ATF6: variants seen among roughly 807,000 people sequenced by gnomAD.
ATF6 encodes cyclic AMP-dependent transcription factor ATF-6 alpha.
ATF6 carries 53 observed loss-of-function variants against 83.6 expected under a neutral mutation model. That is an observed-to-expected ratio of 0.63 (90% CI 0.51 to 0.80). ATF6 has a LOEUF of 0.80. Ranked by LOEUF, ATF6 falls within the 30% of genes least tolerant of loss-of-function variation. The pLI, the probability that ATF6 is intolerant of heterozygous loss-of-function variation, is 0.00. For missense variants in ATF6, 744 were observed against 797.9 expected (o/e 0.93, Z 0.81); for synonymous variants, 288 against 285.8 (o/e 1.01, Z -0.08).
chr1:161,884,732 A>G (rs1333960713), intron 14 of ATF6, among the ~76,000 whole-genome samples: 1 of 152,180 alleles, frequency 6.6e-6, no homozygotes, highest in Non-Finnish European at 1.5e-5. Context: ...AAACAAATAC[A>G]CAGATACATA....
chr1:161,860,413 T>A, intron 13 of ATF6, 136 bp downstream of exon 13: 1 of 253,474 alleles, frequency 3.9e-6, no homozygotes, highest in East Asian at 7.8e-5. Flanking sequence ...CTCTAAGATA[T>A]ATATATATAT....
At chr1:161,824,729 G>A (rs538816254) in intron 9 of ATF6, among the ~76,000 whole-genome samples, 1 of 152,234 alleles carries the variant, frequency 6.6e-6, no homozygotes, top group South Asian at 2.1e-4. Flanking sequence ...TGTTCTTTTA[G>A]TTCCTCATTT....
intron 7 of ATF6, among the ~76,000 whole-genome samples, chr1:161,814,316 C>CA (rs1685556325): frequency 6.6e-6 from 1 of 152,188 alleles, no homozygotes; most frequent in Non-Finnish European, 1.5e-5. Flanking sequence ...AGGCTGTGCC[C>CA]ATGGTGTGGC....
At chr1:161,842,561 C>T (rs188071192) in intron 9 of ATF6, among the ~76,000 whole-genome samples, 3 of 152,212 alleles carry the variant, frequency 2.0e-5, no homozygotes, top group Non-Finnish European at 2.9e-5. Flanking sequence ...ATAGCATTCG[C>T]AGCAACCTGG....
Position 161,919,492 on chromosome 1 carries a change from G to A in ATF6, c.1804+7112G>A, listed in dbSNP as rs148427979. Among the ~76,000 whole-genome samples the A allele has an allele frequency of 2.9e-3, 442 of 152,244 alleles. 2 individuals carry two copies. Among genetic ancestry groups the A allele is most frequent in the African/African-American group, 0.01 (423 of 41,556 alleles). On this transcript the variant is annotated intron_variant, in intron 15 of 15. Transcript: ENST00000367942. Reference sequence around the variant, plus strand: ...TTGAACAAGATAGAGCATAGAAAAGGGGGTTTTTAATTTGATTTTTTAGTG... The same window carrying A: ...TTGAACAAGATAGAGCATAGAAAAGAGGGTTTTTAATTTGATTTTTTAGTG...
chr1:161,832,997 G>A (rs995783036), intron 9 of ATF6, among the ~76,000 whole-genome samples: 3 of 152,208 alleles, frequency 2.0e-5, no homozygotes, highest in Admixed American at 6.5e-5. Context: ...TAACTGGGAG[G>A]CACCCCCCAG....
intron 1 of ATF6, among the ~76,000 whole-genome samples, chr1:161,767,663 AG>A (rs1412389822): frequency 1.3e-5 from 2 of 152,206 alleles, no homozygotes; most frequent in Non-Finnish European, 2.9e-5. Flanking sequence ...TGGCAGAAGA[AG>A]GATCAGACCA....
intron 15 of ATF6, among the ~76,000 whole-genome samples, chr1:161,919,719 T>A (rs1688165098): frequency 6.6e-6 from 1 of 152,218 alleles, no homozygotes; most frequent in Non-Finnish European, 1.5e-5. Context: ...AACAACTGTT[T>A]ATAACTGTTA....
chr1:161,922,739 T>C (rs141546199), intron 15 of ATF6, among the ~76,000 whole-genome samples: 1 of 151,614 alleles, frequency 6.6e-6, no homozygotes, highest in Non-Finnish European at 1.5e-5. Flanking sequence ...GGAAAGAATG[T>C]GTTCGTTTTA....
intron 12 of ATF6, among the ~76,000 whole-genome samples, chr1:161,857,861 T>C (rs1686797827): frequency 6.6e-6 from 1 of 152,084 alleles, no homozygotes; most frequent in African/African-American, 2.4e-5. Context: ...AATTTTTATG[T>C]TGTTCGAATA....
chr1:161,819,444 C>T (rs1429473933), intron 7 of ATF6, among the ~76,000 whole-genome samples, 189 bp from the exon 8 acceptor site: 1 of 152,014 alleles, frequency 6.6e-6, no homozygotes, highest in Non-Finnish European at 1.5e-5. Flanking sequence ...TTTTAGAAGG[C>T]CTTATTTAAT....
intron 7 of ATF6, among the ~76,000 whole-genome samples, chr1:161,815,209 T>G (rs1397818622): frequency 8.1e-6 from 1 of 123,196 alleles, no homozygotes; most frequent in East Asian, 2.6e-4. Flanking sequence ...TTTTTTTTTT[T>G]GAGATAGGCT....
chr1:161,916,306 A>C (rs961812007), intron 15 of ATF6, among the ~76,000 whole-genome samples: 1 of 152,238 alleles, frequency 6.6e-6, no homozygotes. Flanking sequence ...AAAAGTTGAC[A>C]GATGAGTGCA....
intron 15 of ATF6, among the ~76,000 whole-genome samples, chr1:161,917,994 A>G (rs781074415): frequency 2.6e-4 from 39 of 152,234 alleles, no homozygotes; most frequent in Middle Eastern, 3.2e-3. Context: ...TGTATAAAAT[A>G]TCTTCTAATT....
intron 10 of ATF6, among the ~76,000 whole-genome samples, chr1:161,848,110 GA>G (rs920378623): frequency 1.0e-4 from 14 of 140,114 alleles, no homozygotes; most frequent in South Asian, 2.2e-4. Flanking sequence ...TGGTCTTGGG[GA>G]AAAAAAAAAA....
chr1:161,926,593 C>T (rs1339749902), intron 15 of ATF6, among the ~76,000 whole-genome samples: 1 of 152,172 alleles, frequency 6.6e-6, no homozygotes, highest in East Asian at 1.9e-4. Context: ...TTGGAAGTCT[C>T]ATACCATCAC....
chr1:161,871,754 C>G (rs1687128823), intron 14 of ATF6, among the ~76,000 whole-genome samples: 1 of 151,630 alleles, frequency 6.6e-6, no homozygotes, highest in Non-Finnish European at 1.5e-5. Flanking sequence ...CTTAGTCCCT[C>G]TCATCTTCAG....
intron 12 of ATF6, among the ~76,000 whole-genome samples, chr1:161,857,824 G>A (rs1686796992): frequency 6.6e-6 from 1 of 151,856 alleles, no homozygotes; most frequent in African/African-American, 2.4e-5. Flanking sequence ...AGGGGGGGAG[G>A]GATAAATGGA....
At chr1:161,821,552 T>A (rs1685763528) in intron 9 of ATF6, among the ~76,000 whole-genome samples, 1 of 152,174 alleles carries the variant, frequency 6.6e-6, no homozygotes, top group Non-Finnish European at 1.5e-5. Context: ...GTGCAAAGTA[T>A]GAGAAAGGCA....
Sources: gnomAD v4.1 joint callset for allele counts (sites outside exome capture counted in the v4.1 genomes callset) on GRCh38, gnomAD v4.1.1 for gene constraint, MANE v1.5 for transcripts, NCBI Gene and HGNC (gene_info 2026-07-23, HGNC 2026-07-21) for gene names.